MYH13: variants seen among roughly 807,000 people sequenced by gnomAD.
The protein encoded by MYH13 is myosin-13.
In MYH13, 177 loss-of-function variants were observed where a neutral mutation model predicts 232.1. That is an observed-to-expected ratio of 0.76 (90% CI 0.67 to 0.86). MYH13 has a LOEUF of 0.86. Among genes scored for constraint, MYH13 ranks in the 40% least tolerant of loss-of-function variants. The pLI is 0.00. For missense variants in MYH13, 2,246 were observed against 2,405.9 expected, an observed-to-expected ratio of 0.93 and a Z score of 1.39; for synonymous variants, 884 against 923.5, an observed-to-expected ratio of 0.96 and a Z score of 0.78.
chr17:10,371,641 T>G (rs748894147), intron 1 of MYH13, among the ~76,000 whole-genome samples: 3 of 151,680 alleles, frequency 2.0e-5, no homozygotes, highest in Admixed American at 2.0e-4. Context: ...TTTTAAGGAG[T>G]CTAAACAAAG....
intron 18 of MYH13, 21 bp downstream of exon 18, chr17:10,340,129 G>T (rs1324050422): frequency 3.1e-6 from 5 of 1,601,260 alleles, no homozygotes; most frequent in Admixed American, 1.7e-5. Flanking sequence ...CAAATACTTG[G>T]CAAGATCTGC....
At chr17:10,326,836 A>T (rs1332690734) in intron 22 of MYH13, among the ~76,000 whole-genome samples, 3 of 147,206 alleles carry the variant, frequency 2.0e-5, no homozygotes, top group African/African-American at 5.0e-5. Context: ...TTTTTTTGAG[A>T]TCGGGGTCTC....
At chr17:10,347,712 CTTTTTTTT>C (rs71139041) in intron 12 of MYH13, among the ~76,000 whole-genome samples, 9 of 86,724 alleles carry the variant, frequency 1.0e-4, no homozygotes, top group African/African-American at 2.7e-4. Flanking sequence ...GGGACTACTT[CTTTTTTTT>C]TTTTTTTTTT....
Position 10,309,269 on chromosome 17 carries a change from C to T in MYH13, c.5134G>A (p.Asp1712Asn). ...AGGAGCTGCACGCGGTCGCTGGCGT[C>T]CAGCAGCTCCTGCTCTGACAGCCTG... ...TRRLSEQELL[D>N]ASDRVQLLHS... Residue 1712 changes from aspartate to asparagine, a missense_variant, in exon 35 of 41, where the codon GAC (aspartate) becomes AAC (asparagine). Physicochemically the swap from Asp to Asn is conservative, Grantham distance 23. Coordinates refer to ENST00000252172, the MANE Select transcript of MYH13 (RefSeq NM_003802.3). The T allele has an allele frequency of 6.2e-7, 1 of 1,613,740 alleles. No individual in the cohort carries two copies.
At chr17:10,353,269 AAATTT>A (rs2071724039) in intron 11 of MYH13, among the ~76,000 whole-genome samples, 1 of 152,216 alleles carries the variant, frequency 6.6e-6, no homozygotes. Context: ...AAACTCTGCT[AAATTT>A]AATTTGTCTC....
chr17:10,327,946 C>G lies in MYH13; in HGVS notation c.2611G>C (p.Glu871Gln). 6.2e-7 allele frequency: 1 copy of G among 1,613,978 alleles called. No homozygotes were observed. The highest frequency in any genetic ancestry group is 8.5e-7 in the Non-Finnish European group (1 of 1,179,956). Reference sequence around the variant, plus strand: ...TCCTCCAGCTCCTTCCGGCGAGCCTCAGATCGGGCCAGTTCTTCCTTGGTC... The same window carrying G: ...TCCTCCAGCTCCTTCCGGCGAGCCTGAGATCGGGCCAGTTCTTCCTTGGTC... The part of the protein sequence containing the change: ...ERTKEELARS[E>Q]ARRKELEEKM... The change falls in exon 22 of 41, where the codon GAG (glutamate) becomes CAG (glutamine). Residue 871 changes from glutamate (E) to glutamine (Q), a missense_variant. Coordinates refer to ENST00000252172, the MANE Select transcript of MYH13 (RefSeq NM_003802.3).
At chr17:10,329,795 C>T (rs1359283908) in intron 21 of MYH13, among the ~76,000 whole-genome samples, 1 of 152,112 alleles carries the variant, frequency 6.6e-6, no homozygotes, top group Non-Finnish European at 1.5e-5. Flanking sequence ...CCAGCCTGGC[C>T]AACATGGTGA....
intron 7 of MYH13, 34 bp from the exon 8 acceptor site, chr17:10,357,861 T>G: frequency 1.3e-6 from 2 of 1,590,086 alleles, no homozygotes; most frequent in South Asian, 1.1e-5. Context: ...AAAGAGGACT[T>G]TGGATGGTTT....
chr17:10,348,836 C>G (rs2071687640), intron 12 of MYH13, among the ~76,000 whole-genome samples: 1 of 152,170 alleles, frequency 6.6e-6, no homozygotes, highest in South Asian at 2.1e-4. Flanking sequence ...TCCTGACACT[C>G]AAGATCTTCC....
intron 23 of MYH13, among the ~76,000 whole-genome samples, chr17:10,322,160 A>G (rs1048658388): frequency 1.3e-5 from 2 of 152,130 alleles, no homozygotes; most frequent in Admixed American, 6.6e-5. Flanking sequence ...TGGGAGGCCG[A>G]GGCGGACGGA....
At position 10,371,348 on chromosome 17, in the gene MYH13, C is replaced by T. The variant is rs900542346; in HGVS notation, c.-63-89G>A. ...ATAAATATAGAAACCATGTTTGTTCCAGTTTATCTACCTTAAATAGATACA... is the reference window on the plus strand; with the variant it reads ...ATAAATATAGAAACCATGTTTGTTCTAGTTTATCTACCTTAAATAGATACA... On this transcript the variant is annotated intron_variant, in intron 1 of 40. Transcript: ENST00000252172. The T allele has an allele frequency of 5.3e-5, 8 of 152,192 alleles. 1 individual carries two copies. The highest frequency in any genetic ancestry group is 2.1e-4 in the South Asian group (1 of 4,814). The allele number at this position is 152,192 out of a possible 1,614,324, so 9.4% of individuals were successfully genotyped here.
At chr17:10,370,892 T>C (rs1373221134) in intron 2 of MYH13, among the ~76,000 whole-genome samples, 1 of 152,198 alleles carries the variant, frequency 6.6e-6, no homozygotes, top group Non-Finnish European at 1.5e-5. Flanking sequence ...AGTTAGCCTT[T>C]GTGTGAAGAC....
chr17:10,317,904 A>C (rs777929875), intron 27 of MYH13: 2 of 152,182 alleles, frequency 1.3e-5, no homozygotes, highest in African/African-American at 4.8e-5. Flanking sequence ...TTAAATATCA[A>C]CTTTCATGCC....
chr17:10,328,217 C>T, intron 21 of MYH13, 96 bp from the exon 22 acceptor site: 3 of 1,447,534 alleles, frequency 2.1e-6, no homozygotes, highest in Middle Eastern at 2.2e-4. Context: ...CCGTCTTTCT[C>T]GGTTAGGTGG....
chr17:10,334,593 G>T (rs1373211971), intron 18 of MYH13, among the ~76,000 whole-genome samples: 3 of 152,028 alleles, frequency 2.0e-5, no homozygotes, highest in Non-Finnish European at 4.4e-5. Flanking sequence ...GACATTCAGA[G>T]AACTGGCCAG....
intron 8 of MYH13, among the ~76,000 whole-genome samples, 169 bp downstream of exon 8, chr17:10,357,566 C>A (rs1383467415): frequency 1.3e-5 from 2 of 152,150 alleles, no homozygotes; most frequent in Non-Finnish European, 2.9e-5. Context: ...CAAGCCAACA[C>A]CTTCCTCAAA....
intron 18 of MYH13, among the ~76,000 whole-genome samples, chr17:10,339,634 T>C (rs2071605777): frequency 6.6e-6 from 1 of 152,230 alleles, no homozygotes; most frequent in African/African-American, 2.4e-5. Flanking sequence ...GATGTGCCTA[T>C]ATACATACAC....
Position 10,326,981 on chromosome 17 carries a change from GTT to G in MYH13, c.2691+883_2691+884del, listed in dbSNP as rs61543278. On this transcript the variant is annotated intron_variant, in intron 22 of 40. Transcript: ENST00000252172. Reference sequence around the variant, plus strand: ...GAGACATGCACCACCATGCCTACTAGTTTTTTTTTTTTTTTTTTTTTTTTTTT... The same window carrying G: ...GAGACATGCACCACCATGCCTACTAGTTTTTTTTTTTTTTTTTTTTTTTTT... Among the ~76,000 whole-genome samples the G allele has an allele frequency of 9.2e-3, 516 of 55,828 alleles. 196 individuals are homozygous for G. The highest frequency in any genetic ancestry group is 0.019 in the East Asian group (30 of 1,608). The allele number at this position is 55,828 out of a possible 152,430, so 36.6% of individuals were successfully genotyped here.
At chr17:10,343,417 C>G (rs112229533) in intron 16 of MYH13, among the ~76,000 whole-genome samples, 160 of 152,276 alleles carry the variant, frequency 1.1e-3, no homozygotes, top group Non-Finnish European at 1.9e-3. Context: ...AGGCTGGTCT[C>G]AAACTCCTGA....
Sources: gnomAD v4.1 joint callset for allele counts (sites outside exome capture counted in the v4.1 genomes callset) on GRCh38, gnomAD v4.1.1 for gene constraint, MANE v1.5 for transcripts, NCBI Gene and HGNC (gene_info 2026-07-23, HGNC 2026-07-21) for gene names.